Variants in TMEM178B observed in about 807,000 individuals in gnomAD.
The protein encoded by TMEM178B is transmembrane protein 178B.
A neutral mutation model predicts 31.0 loss-of-function variants in TMEM178B; 5 were observed. The ratio of observed to expected loss-of-function variants is 0.16; its 90% CI spans 0.08 to 0.34. The LOEUF is 0.34. Among genes scored for constraint, TMEM178B ranks in the 10% least tolerant of loss-of-function variants. TMEM178B has a pLI of 1.00. For missense variants in TMEM178B, 275 were observed against 400.3 expected (o/e 0.69, Z 2.67); for synonymous variants, 164 against 164.0 (o/e 1.00, Z 0.00).
At chr7:141,358,561 C>A (rs1033426628) in intron 2 of TMEM178B, among the ~76,000 whole-genome samples, 7 of 152,080 alleles carry the variant, frequency 4.6e-5, no homozygotes, top group East Asian at 1.9e-4. Flanking sequence ...GAACTTCCAA[C>A]CCTACCCTAT....
At chr7:141,198,721 C>A (rs1347615143) in intron 1 of TMEM178B, among the ~76,000 whole-genome samples, 2 of 152,188 alleles carry the variant, frequency 1.3e-5, no homozygotes, top group Admixed American at 1.3e-4. Flanking sequence ...AAAGCATGAG[C>A]TCATTGTTTT....
intron 1 of TMEM178B, among the ~76,000 whole-genome samples, chr7:141,140,842 C>T (rs1795756730): frequency 6.6e-6 from 1 of 152,196 alleles, no homozygotes; most frequent in Admixed American, 6.5e-5. Context: ...GTGCCATTTT[C>T]ATCACTGTGT....
chr7:141,322,217 A>G (rs1389524120), intron 2 of TMEM178B, among the ~76,000 whole-genome samples: 1 of 152,102 alleles, frequency 6.6e-6, no homozygotes, highest in African/African-American at 2.4e-5. Context: ...TTCAGTGTCC[A>G]TTAGAGATGT....
Position 141,411,057 on chromosome 7 carries a change from G to A in TMEM178B, c.497-26551G>A, listed in dbSNP as rs995164560. Among the ~76,000 whole-genome samples, 23 of 151,702 alleles carry A rather than the reference G, an allele frequency of 1.5e-4. 1 individual carries two copies. Among genetic ancestry groups the A allele is most frequent in the South Asian group, 6.3e-4 (3 of 4,800 alleles). ...GTTCATGATGATTGCCATTTTACTC[G>A]AATAAAATAAAAAAAGAAAAATTTT... On this transcript the variant is annotated intron_variant, in intron 2 of 3. Transcript: ENST00000565468.
intron 2 of TMEM178B, among the ~76,000 whole-genome samples, chr7:141,293,516 A>T (rs1043193458): frequency 2.6e-5 from 4 of 152,152 alleles, no homozygotes; most frequent in African/African-American, 9.7e-5. Context: ...GCCCCTAATG[A>T]TGAGGGGGAA....
intron 2 of TMEM178B, among the ~76,000 whole-genome samples, chr7:141,256,519 G>C (rs1351541508): frequency 6.6e-6 from 1 of 152,206 alleles, no homozygotes; most frequent in Admixed American, 6.5e-5. Context: ...GTAAGGGGTA[G>C]GGTTGGGGGT....
intron 1 of TMEM178B, among the ~76,000 whole-genome samples, chr7:141,160,394 C>T (rs1274639495): frequency 2.0e-5 from 3 of 152,198 alleles, no homozygotes; most frequent in African/African-American, 7.2e-5. Context: ...TTTGCTGTCC[C>T]ACTGGCCTGA....
chr7:141,436,767 T>C (rs1299673864), intron 2 of TMEM178B, among the ~76,000 whole-genome samples: 1 of 152,078 alleles, frequency 6.6e-6, no homozygotes, highest in Non-Finnish European at 1.5e-5. Flanking sequence ...AACTGAGCCA[T>C]GGCAACAGCT....
chr7:141,135,576 G>A (rs1795662852), intron 1 of TMEM178B, among the ~76,000 whole-genome samples: 1 of 152,072 alleles, frequency 6.6e-6, no homozygotes, highest in Admixed American at 6.6e-5. Context: ...ATAACAAGAG[G>A]AACTTTGGAA....
chr7:141,127,314 A>G (rs183924190), intron 1 of TMEM178B, among the ~76,000 whole-genome samples: 66 of 152,322 alleles, frequency 4.3e-4, no homozygotes, highest in African/African-American at 1.4e-3. Flanking sequence ...CTGAATGTCT[A>G]AAAAGTTATG....
intron 2 of TMEM178B, among the ~76,000 whole-genome samples, chr7:141,301,021 T>C (rs1200858550): frequency 6.6e-6 from 1 of 152,148 alleles, no homozygotes; most frequent in African/African-American, 2.4e-5. Context: ...TCCTGGGTGG[T>C]GCAAGGTACT....
At chr7:141,215,785 T>TCTTA (rs1196852189) in intron 2 of TMEM178B, among the ~76,000 whole-genome samples, 1 of 52,750 alleles carries the variant, frequency 1.9e-5, no homozygotes, top group Non-Finnish European at 3.6e-5. Flanking sequence ...TTCCTTTCTT[T>TCTTA]CTTTCTTTCT....
intron 2 of TMEM178B, among the ~76,000 whole-genome samples, chr7:141,410,014 G>A (rs1018747644): frequency 3.3e-5 from 5 of 152,132 alleles, no homozygotes; most frequent in African/African-American, 7.2e-5. Flanking sequence ...CTCAGCAGCC[G>A]CCAGGCCATG....
intron 2 of TMEM178B, among the ~76,000 whole-genome samples, chr7:141,373,210 T>G (rs1280482872): frequency 6.6e-6 from 1 of 152,342 alleles, no homozygotes; most frequent in South Asian, 2.1e-4. Context: ...GGAACTCTGG[T>G]ATTCTTGTTG....
intron 1 of TMEM178B, among the ~76,000 whole-genome samples, chr7:141,093,404 A>T (rs1794909907): frequency 6.6e-6 from 1 of 152,194 alleles, no homozygotes; most frequent in South Asian, 2.1e-4. Flanking sequence ...TGTTTTGAAG[A>T]TCTACTATTT....
At chr7:141,330,268 C>G (rs1327961476) in intron 2 of TMEM178B, among the ~76,000 whole-genome samples, 1 of 152,174 alleles carries the variant, frequency 6.6e-6, no homozygotes, top group African/African-American at 2.4e-5. Context: ...GATCCTGACA[C>G]TCTCCCTCCC....
chr7:141,189,928 A>G (rs922718444), intron 1 of TMEM178B, among the ~76,000 whole-genome samples: 1 of 152,118 alleles, frequency 6.6e-6, no homozygotes, highest in East Asian at 1.9e-4. Flanking sequence ...AGAGAGGGGA[A>G]TTGGCCATCC....
At chr7:141,155,705 G>C (rs536643531) in intron 1 of TMEM178B, among the ~76,000 whole-genome samples, 1 of 152,178 alleles carries the variant, frequency 6.6e-6, no homozygotes, top group East Asian at 1.9e-4. Context: ...TCCCAGGCAG[G>C]GCCATTTTCT....
chr7:141,417,683 CTT>C (rs1298334161), intron 2 of TMEM178B, among the ~76,000 whole-genome samples: 7 of 152,210 alleles, frequency 4.6e-5, no homozygotes, highest in Non-Finnish European at 8.8e-5. Flanking sequence ...TGTGTTCTCT[CTT>C]GTTTCACTCT....
Sources: allele counts gnomAD v4.1 joint callset (sites outside exome capture counted in the v4.1 genomes callset), GRCh38; gene constraint gnomAD v4.1.1; transcripts MANE v1.5; gene names NCBI Gene and HGNC (gene_info 2026-07-23, HGNC 2026-07-21).